The following KCNT2 variants were observed in gnomAD, a reference collection of about 807,000 sequenced individuals.
KCNT2 encodes potassium channel subfamily T member 2.
In KCNT2, 67 loss-of-function variants were observed where a neutral mutation model predicts 153.8. The observed-to-expected ratio is 0.44, with a 90% confidence interval of 0.36 to 0.53. The LOEUF (loss-of-function observed/expected upper bound fraction) is 0.53. KCNT2 is among the 20% of genes least tolerant of loss of function. KCNT2 has a pLI of 0.00. For missense variants in KCNT2, 975 were observed against 1,354.8 expected, an observed-to-expected ratio of 0.72 and a Z score of 4.40; for synonymous variants, 500 against 458.8, an observed-to-expected ratio of 1.09 and a Z score of -1.15.
chr1:196,353,468 G>T lies in KCNT2; in HGVS notation c.1404-11240C>A, dbSNP rs938244425. On this transcript the variant is annotated intron_variant, in intron 14 of 27. Transcript: ENST00000294725. ...TCACCAAACCTGGGGCAACATGAAG[G>T]TTCCTCTCAGCATAGTAACTATTGG... 8.6e-5 allele frequency among the ~76,000 whole-genome samples: 13 copies of T among 151,814 alleles called. 1 individual carries two copies. The highest frequency in any genetic ancestry group is 2.0e-4 in the Admixed American group (3 of 15,168).
chr1:196,487,403 T>C (rs1679510695), intron 3 of KCNT2, among the ~76,000 whole-genome samples: 1 of 141,256 alleles, frequency 7.1e-6, no homozygotes, highest in Admixed American at 7.3e-5. Flanking sequence ...ACCTACCATG[T>C]TATGGAGTGT....
chr1:196,526,974 G>C (rs1428269041), intron 1 of KCNT2, among the ~76,000 whole-genome samples: 1 of 152,132 alleles, frequency 6.6e-6, no homozygotes, highest in Non-Finnish European at 1.5e-5. Context: ...TCCACCTCCT[G>C]CAGCGACATT....
chr1:196,380,023 G>T (rs954919059), intron 13 of KCNT2, among the ~76,000 whole-genome samples: 1 of 152,128 alleles, frequency 6.6e-6, no homozygotes, highest in Non-Finnish European at 1.5e-5. Flanking sequence ...CTTTTAAAAC[G>T]TAAGTGGCAA....
intron 16 of KCNT2, among the ~76,000 whole-genome samples, chr1:196,335,122 G>A (rs763720841): frequency 1.3e-5 from 2 of 152,038 alleles, no homozygotes; most frequent in Non-Finnish European, 2.9e-5. Context: ...ACGATGAAAG[G>A]CATCATATTT....
At chr1:196,591,126 C>A (rs752623382) in intron 1 of KCNT2, among the ~76,000 whole-genome samples, 1 of 152,106 alleles carries the variant, frequency 6.6e-6, no homozygotes, top group East Asian at 1.9e-4. Context: ...GTCATGAGGG[C>A]GGATCCTTCA....
chr1:196,508,530 T>G (rs1292098045), intron 1 of KCNT2, among the ~76,000 whole-genome samples: 1 of 152,108 alleles, frequency 6.6e-6, no homozygotes, highest in African/African-American at 2.4e-5. Flanking sequence ...AAGTTCATAA[T>G]TGGGAGAAGA....
At chr1:196,451,223 T>A (rs1227773912) in intron 8 of KCNT2, among the ~76,000 whole-genome samples, 7,212 of 131,428 alleles carry the variant, frequency 0.055, 557 homozygotes, top group African/African-American at 0.21. Context: ...CTTTCTTTTT[T>A]TTTTTTTTTT....
chr1:196,226,856 A>T lies in KCNT2; in HGVS notation c.*1368T>A, dbSNP rs1051735965. 1.3e-5 allele frequency: 2 copies of T among 151,864 alleles called. No homozygotes were observed. The highest frequency in any genetic ancestry group is 6.6e-5 in the Admixed American group (1 of 15,184). The allele number at this position is 151,864 out of a possible 1,614,324, so 9.4% of individuals were successfully genotyped here. On this transcript the variant is annotated 3_prime_UTR_variant, in exon 28 of 28. Coordinates refer to ENST00000294725, the MANE Select transcript of KCNT2 (RefSeq NM_198503.5). ...CAATGTCAAATTCAAAAATTAAAAA[A>T]TACAAAATTAGAACAGTATGTATTT...
intron 21 of KCNT2, among the ~76,000 whole-genome samples, chr1:196,308,233 T>C (rs1465590039): frequency 6.6e-6 from 1 of 152,040 alleles, no homozygotes; most frequent in Admixed American, 6.6e-5. Context: ...GAGTTGTCTA[T>C]GTAAGATTAA....
At chr1:196,547,983 A>G (rs1196972603) in intron 1 of KCNT2, among the ~76,000 whole-genome samples, 1 of 151,894 alleles carries the variant, frequency 6.6e-6, no homozygotes, top group African/African-American at 2.4e-5. Flanking sequence ...CAGATTTAGC[A>G]TTTCAAAGTG....
At chr1:196,282,788 A>G (rs1257648647) in intron 23 of KCNT2, among the ~76,000 whole-genome samples, 2 of 152,208 alleles carry the variant, frequency 1.3e-5, no homozygotes, top group East Asian at 3.9e-4. Context: ...TATATTTATC[A>G]TTTATTATTG....
rs139442975 is a variant in KCNT2 at position 196,280,915 on chromosome 1, C to G, written c.2855G>C (p.Gly952Ala). The change falls in exon 25 of 28, where the codon GGA becomes GCA. Residue 952 changes from glycine (G) to alanine (A), a missense_variant. By Grantham distance (60) the Gly-to-Ala change is moderately conservative. Around this residue, in one of 6 missense-constraint regions of KCNT2, gnomAD observed 241 missense variants for 271.1 expected, o/e 0.89. Coordinates refer to ENST00000294725, the MANE Select transcript of KCNT2 (RefSeq NM_198503.5). Reference sequence around the variant, plus strand: ...CCTGTAGATTCCAATGGGAACATCTCCAGTAGAAGAACACAACTTCTGATA... The same window carrying G: ...CCTGTAGATTCCAATGGGAACATCTGCAGTAGAAGAACACAACTTCTGATA... ...RLYQKLCSST[G>A]DVPIGIYRTE... is the part of the protein sequence containing the mutation. 2 of 1,609,900 alleles carry G rather than the reference C, an allele frequency of 1.2e-6. No individual in the cohort carries two copies. Among genetic ancestry groups the G allele is most frequent in the Non-Finnish European group, 1.7e-6 (2 of 1,176,382 alleles).
At chr1:196,291,157 C>A (rs988977775) in intron 22 of KCNT2, among the ~76,000 whole-genome samples, 1 of 152,060 alleles carries the variant, frequency 6.6e-6, no homozygotes, top group Non-Finnish European at 1.5e-5. Context: ...TCAAAACAAT[C>A]TCTGCAGGTC....
At chr1:196,565,532 CTAGGTG>C (rs1157638673) in intron 1 of KCNT2, among the ~76,000 whole-genome samples, 1 of 151,186 alleles carries the variant, frequency 6.6e-6, no homozygotes, top group Non-Finnish European at 1.5e-5. Context: ...TGGAATCCAC[CTAGGTG>C]TCCACCAATG....
intron 1 of KCNT2, among the ~76,000 whole-genome samples, chr1:196,590,520 G>A (rs377600032): frequency 3.3e-5 from 5 of 152,208 alleles, no homozygotes; most frequent in Admixed American, 1.3e-4. Flanking sequence ...TTGCTTTCCT[G>A]CTTCCTCCCA....
In KCNT2 at chr1:196,453,720, C is replaced by T. The variant is rs145205728; in HGVS notation, c.638+11573G>A. On this transcript the variant is annotated intron_variant, in intron 8 of 27. Coordinates refer to ENST00000294725, the MANE Select transcript of KCNT2 (RefSeq NM_198503.5). ...CACAAATGTTACTCCTTAGAGCCTT[C>T]TTTCACCAAACTATCTGAAATTTAC... Among the ~76,000 whole-genome samples, 220 of 152,088 alleles carry T rather than the reference C, an allele frequency of 1.4e-3. 2 individuals carry two copies. Among genetic ancestry groups the T allele is most frequent in the African/African-American group, 5.2e-3 (214 of 41,548 alleles).
intron 13 of KCNT2, among the ~76,000 whole-genome samples, chr1:196,378,528 C>T (rs962144820): frequency 6.6e-6 from 1 of 151,454 alleles, no homozygotes; most frequent in African/African-American, 2.4e-5. Flanking sequence ...TATATGAATG[C>T]CATTTATAGT....
At chr1:196,361,124 G>A (rs1667583058) in intron 14 of KCNT2, among the ~76,000 whole-genome samples, 1 of 151,832 alleles carries the variant, frequency 6.6e-6, no homozygotes, top group African/African-American at 2.4e-5. Context: ...GATATGCAGG[G>A]GCATGAAGTA....
At chr1:196,239,508 T>C (rs890932339) in intron 26 of KCNT2, among the ~76,000 whole-genome samples, 15 of 151,970 alleles carry the variant, frequency 9.9e-5, no homozygotes, top group Non-Finnish European at 1.8e-4. Flanking sequence ...TTTGTGTAAA[T>C]AGATCACATT....
Sources: gnomAD v4.1 joint callset for allele counts (sites outside exome capture counted in the v4.1 genomes callset) on GRCh38, gnomAD v4.1.1 for gene constraint, gnomAD v4.1.1 regional missense constraint, MANE v1.5 for transcripts, NCBI Gene and HGNC (gene_info 2026-07-23, HGNC 2026-07-21) for gene names.